Variants in KSR2 observed in about 807,000 individuals in gnomAD.
KSR2 encodes the protein kinase suppressor of ras 2.
KSR2 carries 25 observed loss-of-function variants against 107.8 expected under a neutral mutation model. That is an observed-to-expected ratio of 0.23 (90% CI 0.17 to 0.32). The LOEUF is 0.32. KSR2 is among the 10% of genes least tolerant of loss of function. The probability of loss-of-function intolerance (pLI) is 1.00; values close to 1 mark genes in which losing one functional copy is unlikely to be tolerated. For synonymous variants in KSR2, 480 were observed against 507.0 expected (o/e 0.95, Z 0.71); for missense variants, 887 against 1,268.9 (o/e 0.70, Z 4.57).
chr12:117,870,794 G>A (rs1893625038), intron 1 of KSR2, among the ~76,000 whole-genome samples: 1 of 152,160 alleles, frequency 6.6e-6, no homozygotes, highest in Non-Finnish European at 1.5e-5. Flanking sequence ...GGAGGAGTGA[G>A]TTTAGGAAGC....
At chr12:117,584,083 C>G (rs1031220665) in intron 5 of KSR2, among the ~76,000 whole-genome samples, 7 of 152,094 alleles carry the variant, frequency 4.6e-5, no homozygotes, top group African/African-American at 1.4e-4. Context: ...AGCTGGGATC[C>G]TTTATGAGAG....
chr12:117,536,771 C>T (rs902462346), intron 10 of KSR2, among the ~76,000 whole-genome samples: 6 of 152,218 alleles, frequency 3.9e-5, no homozygotes, highest in East Asian at 1.9e-4. Context: ...TTCAACCATT[C>T]ACCACCTACT....
intron 4 of KSR2, among the ~76,000 whole-genome samples, chr12:117,683,366 T>C (rs1274503494): frequency 6.6e-6 from 1 of 152,194 alleles, no homozygotes; most frequent in Non-Finnish European, 1.5e-5. Flanking sequence ...TTCAAGAAGT[T>C]ACACATTGAA....
chr12:117,703,779 G>C (rs918639692), intron 4 of KSR2, among the ~76,000 whole-genome samples: 1 of 152,050 alleles, frequency 6.6e-6, no homozygotes, highest in Non-Finnish European at 1.5e-5. Flanking sequence ...GCTCTGCCGG[G>C]GCATACGTCC....
At chr12:117,741,368 A>AAAT (rs779416708) in intron 4 of KSR2, among the ~76,000 whole-genome samples, 1 of 149,760 alleles carries the variant, frequency 6.7e-6, no homozygotes, top group East Asian at 2.0e-4. Flanking sequence ...AAAAAAAAAA[A>AAAT]TTTAATTAGC....
At chr12:117,799,967 G>A (rs1316878659) in intron 3 of KSR2, among the ~76,000 whole-genome samples, 2 of 152,204 alleles carry the variant, frequency 1.3e-5, no homozygotes, top group Non-Finnish European at 2.9e-5. Context: ...CCTATGAAAC[G>A]AGGCTGGACG....
In KSR2 at chr12:117,847,732, C is replaced by T. The variant is rs76513632; in HGVS notation, c.472+7696G>A. On this transcript the variant is annotated intron_variant, in intron 3 of 19. Coordinates refer to ENST00000339824, the MANE Select transcript of KSR2 (RefSeq NM_173598.6). ...CTGTCTGGCTCCAGCTCCCACCACT[C>T]TCCCCAGCATCCCCACTGGGCACCC... 5.6e-3 allele frequency among the ~76,000 whole-genome samples: 851 copies of T among 152,340 alleles called. 35 individuals carry two copies. The East Asian group carries it at 0.1, about 18-fold the overall frequency.
At chr12:117,814,337 T>C (rs543126180) in intron 3 of KSR2, among the ~76,000 whole-genome samples, 1 of 152,322 alleles carries the variant, frequency 6.6e-6, no homozygotes, top group South Asian at 2.1e-4. Context: ...CTGATCACTA[T>C]ACATTGTATG....
chr12:117,840,943 A>G (rs1892447786), intron 3 of KSR2, among the ~76,000 whole-genome samples: 1 of 151,884 alleles, frequency 6.6e-6, no homozygotes, highest in Non-Finnish European at 1.5e-5. Context: ...CAGAGGTTGC[A>G]GTGAGCCGAG....
At chr12:117,811,359 C>T (rs919265555) in intron 3 of KSR2, among the ~76,000 whole-genome samples, 1 of 152,230 alleles carries the variant, frequency 6.6e-6, no homozygotes, top group Non-Finnish European at 1.5e-5. Context: ...GAAGGAATAA[C>T]TTTAGCACAG....
At chr12:117,844,242 C>T (rs562791041) in intron 3 of KSR2, among the ~76,000 whole-genome samples, 6 of 152,082 alleles carry the variant, frequency 3.9e-5, no homozygotes, top group Non-Finnish European at 8.8e-5. Context: ...TGAGCATGCA[C>T]CATCTTGGAT....
intron 4 of KSR2, among the ~76,000 whole-genome samples, chr12:117,730,448 C>T (rs911681387): frequency 7.2e-5 from 11 of 151,858 alleles, no homozygotes; most frequent in Admixed American, 1.3e-4. Context: ...CCTCTTTCCA[C>T]AGTCTCCCTC....
At chr12:117,484,295 C>T (rs1184949417) in intron 16 of KSR2, 121 bp downstream of exon 16, 1 of 1,137,146 alleles carries the variant, frequency 8.8e-7, no homozygotes, top group African/African-American at 1.5e-5. Flanking sequence ...AGCTGCCCCA[C>T]TCAGCTCAGC....
chr12:117,575,250 T>G (rs141839984), intron 7 of KSR2, among the ~76,000 whole-genome samples: 1 of 152,214 alleles, frequency 6.6e-6, no homozygotes, highest in Non-Finnish European at 1.5e-5. Flanking sequence ...GCATGGTGTA[T>G]ATATAACAGG....
At chr12:117,477,164 T>A (rs926392107) in intron 16 of KSR2, among the ~76,000 whole-genome samples, 2 of 152,200 alleles carry the variant, frequency 1.3e-5, no homozygotes, top group African/African-American at 4.8e-5. Context: ...TACTCTGCAC[T>A]GCCCACTCTG....
At chr12:117,475,150 G>T (rs1301166977) in intron 17 of KSR2, among the ~76,000 whole-genome samples, 3 of 152,138 alleles carry the variant, frequency 2.0e-5, no homozygotes, top group African/African-American at 7.2e-5. Flanking sequence ...CTACTCAGCA[G>T]CCAGAGTGAT....
At chr12:117,637,125 CA>C (rs1883126150) in intron 5 of KSR2, among the ~76,000 whole-genome samples, 1 of 152,140 alleles carries the variant, frequency 6.6e-6, no homozygotes, top group African/African-American at 2.4e-5. Context: ...CTTCTTGGCA[CA>C]AAATTTAAGC....
chr12:117,857,356 A>C (rs1052018625), intron 2 of KSR2, among the ~76,000 whole-genome samples: 2 of 152,178 alleles, frequency 1.3e-5, no homozygotes, highest in Non-Finnish European at 2.9e-5. Flanking sequence ...CACTGCACCC[A>C]GTCCAGGATC....
intron 4 of KSR2, among the ~76,000 whole-genome samples, chr12:117,753,276 T>C (rs1888671582): frequency 6.6e-6 from 1 of 152,210 alleles, no homozygotes; most frequent in Admixed American, 6.5e-5. Context: ...AGCGCAGATA[T>C]GGTGTATCTC....
Sources: allele counts gnomAD v4.1 joint callset (sites outside exome capture counted in the v4.1 genomes callset), GRCh38; gene constraint gnomAD v4.1.1; transcripts MANE v1.5; gene names NCBI Gene and HGNC (gene_info 2026-07-23, HGNC 2026-07-21).